SLC25A33: variants seen among roughly 807,000 people sequenced by gnomAD.
SLC25A33 encodes the protein solute carrier family 25 member 33, also known as bone marrow stromal cell mitochondrial carrier protein.
Under a neutral mutation model 35.5 loss-of-function variants are expected in SLC25A33, and 15 were observed. The ratio of observed to expected loss-of-function variants is 0.42; its 90% CI spans 0.28 to 0.65. The LOEUF (loss-of-function observed/expected upper bound fraction) is 0.65, where lower values mean the gene tolerates loss of function less well. Among genes scored for constraint, SLC25A33 ranks in the 30% least tolerant of loss-of-function variants. The pLI, the probability that SLC25A33 is intolerant of heterozygous loss-of-function variation, is 0.20. For synonymous variants in SLC25A33, 136 were observed against 148.7 expected (o/e 0.91, Z 0.62); for missense variants, 257 against 398.5 (o/e 0.64, Z 3.02).
intron 6 of SLC25A33, among the ~76,000 whole-genome samples, chr1:9,581,399 A>AACC (rs1224096613): frequency 1.3e-5 from 2 of 152,240 alleles, no homozygotes; most frequent in Non-Finnish European, 2.9e-5. Flanking sequence ...GGGAGTAGAA[A>AACC]ACCATGAATT....
At chr1:9,556,646 GC>G (rs199607544) in intron 2 of SLC25A33, among the ~76,000 whole-genome samples, 17 of 151,426 alleles carry the variant, frequency 1.1e-4, no homozygotes, top group South Asian at 6.3e-4. Flanking sequence ...AGTAAATCCA[GC>G]CCCCCCCATA....
At chr1:9,576,572 G>A in intron 5 of SLC25A33, 1 of 560,474 alleles carries the variant, frequency 1.8e-6, no homozygotes, top group East Asian at 4.7e-5. Context: ...AGTCTAAAGA[G>A]GCTCTGGAGT....
At chr1:9,552,160 G>A (rs1162544682) in intron 1 of SLC25A33, among the ~76,000 whole-genome samples, 1 of 152,162 alleles carries the variant, frequency 6.6e-6, no homozygotes, top group Admixed American at 6.6e-5. Flanking sequence ...GAAAACACAG[G>A]ATTAACTGAT....
chr1:9,569,310 G>T (rs963873883), intron 3 of SLC25A33, among the ~76,000 whole-genome samples: 5 of 151,848 alleles, frequency 3.3e-5, no homozygotes, highest in African/African-American at 1.2e-4. Flanking sequence ...TACTGCTTTT[G>T]TTCCTTTAGA....
At position 9,580,031 on chromosome 1, in the gene SLC25A33, A is replaced by G. The variant is rs543795233; in HGVS notation, c.560A>G (p.Tyr187Cys). Residue 187 changes from tyrosine to cysteine, a missense_variant, in exon 6 of 7, where the codon TAT (tyrosine) becomes TGT (cysteine). Transcript: ENST00000302692. The part of the protein sequence containing the change: ...VYQTEGIRGF[Y>C]RGLTASYAGI... Reference sequence around the variant, plus strand: ...CAGACCGAAGGCATTCGTGGCTTCTATAGAGGATTAACTGCCTCGTATGCT... The same window carrying G: ...CAGACCGAAGGCATTCGTGGCTTCTGTAGAGGATTAACTGCCTCGTATGCT... The G allele has an allele frequency of 1.4e-5, 22 of 1,613,302 alleles. No homozygotes were observed. The highest frequency in any genetic ancestry group is 6.7e-5 in the East Asian group (3 of 44,888).
chr1:9,553,212 T>TTTTTTTTTTTTTTTTTG (rs1643292712), intron 1 of SLC25A33, among the ~76,000 whole-genome samples: 1 of 135,196 alleles, frequency 7.4e-6, no homozygotes, highest in Non-Finnish European at 1.6e-5. Context: ...TGTTTTTTTT[T>TTTTTTTTTTTTTTTTTG]TTTTTTTTTT....
intron 2 of SLC25A33, among the ~76,000 whole-genome samples, chr1:9,554,083 T>C (rs1193551333): frequency 6.6e-6 from 1 of 152,222 alleles, no homozygotes; most frequent in Admixed American, 6.5e-5. Context: ...ACATCATTGC[T>C]CTTGCTCAAA....
At chr1:9,547,870 TTTTG>T (rs1285612983) in intron 1 of SLC25A33, among the ~76,000 whole-genome samples, 2 of 151,976 alleles carry the variant, frequency 1.3e-5, no homozygotes, top group East Asian at 3.9e-4. Context: ...TTGTTTTTGT[TTTTG>T]TTTTTCCCTT....
At chr1:9,567,250 G>T in intron 2 of SLC25A33, 34 bp from the exon 3 acceptor site, 1 of 1,575,252 alleles carries the variant, frequency 6.3e-7, no homozygotes, top group Non-Finnish European at 8.7e-7. Context: ...CTTGCCTGAG[G>T]GGTTTTAAAG....
chr1:9,581,410 ATTT>A (rs1474734886), intron 6 of SLC25A33, among the ~76,000 whole-genome samples: 1 of 152,224 alleles, frequency 6.6e-6, no homozygotes, highest in Non-Finnish European at 1.5e-5. Context: ...ACCATGAATT[ATTT>A]TAACATTAAG....
At chr1:9,569,758 T>C (rs543498290) in intron 3 of SLC25A33, among the ~76,000 whole-genome samples, 2 of 152,158 alleles carry the variant, frequency 1.3e-5, no homozygotes, top group African/African-American at 2.4e-5. Context: ...CACTTTGCGG[T>C]AGTCAAGGCA....
Position 9,581,684 on chromosome 1 carries a change from G to A in SLC25A33, c.764-615G>A, listed in dbSNP as rs575132347. ...GCAGAGGTTGCAGTGAGCCAAGATC[G>A]TACCGACTGCACTCCAGCCTGAGTA... On this transcript the variant is annotated intron_variant, in intron 6 of 6. Transcript: ENST00000302692. 1.3e-3 allele frequency among the ~76,000 whole-genome samples: 192 copies of A among 149,050 alleles called. 2 individuals are homozygous for A. Among genetic ancestry groups the A allele is most frequent in the African/African-American group, 4.5e-3 (180 of 40,082 alleles).
intron 6 of SLC25A33, 68 bp downstream of exon 6, chr1:9,580,302 T>C: frequency 1.3e-6 from 2 of 1,564,166 alleles, no homozygotes; most frequent in Non-Finnish European, 8.7e-7. Flanking sequence ...TGGGTATATC[T>C]AGACTTCTGA....
chr1:9,547,452 A>G (rs1039353090), intron 1 of SLC25A33, among the ~76,000 whole-genome samples: 2 of 145,610 alleles, frequency 1.4e-5, no homozygotes, highest in Non-Finnish European at 3.0e-5. Flanking sequence ...CTCAAAAGAG[A>G]AAAAAAAAAA....
intron 4 of SLC25A33, among the ~76,000 whole-genome samples, chr1:9,572,683 G>A (rs915135039): frequency 2.0e-5 from 3 of 152,086 alleles, no homozygotes; most frequent in Non-Finnish European, 4.4e-5. Context: ...ACTATAGAGG[G>A]TGTGAGGTAT....
Position 9,553,776 on chromosome 1 carries a change from C to A in SLC25A33, c.207C>A (p.Ser69=), listed in dbSNP as rs777534735. Reference sequence around the variant, plus strand: ...GAGCTGGAATGGTGAGACCAACATCCGTGACACCTGGACTCTTTCAGGTTC... The same window carrying A: ...GAGCTGGAATGGTGAGACCAACATCAGTGACACCTGGACTCTTTCAGGTTC... The part of the protein sequence containing the change: ...ISGAGMVRPT[S]VTPGLFQVLK... Residue 69 remains serine, a synonymous_variant, in exon 2 of 7, where the codon TCC becomes TCA. Coordinates refer to ENST00000302692, the MANE Select transcript of SLC25A33 (RefSeq NM_032315.3). 6.2e-7 allele frequency: 1 copy of A among 1,614,012 alleles called. No homozygotes were observed. The highest frequency in any genetic ancestry group is 1.3e-5 in the African/African-American group (1 of 74,912).
intron 1 of SLC25A33, among the ~76,000 whole-genome samples, chr1:9,551,977 T>G (rs1325736710): frequency 2.0e-5 from 3 of 152,170 alleles, no homozygotes; most frequent in Non-Finnish European, 4.4e-5. Flanking sequence ...GTTATTTCAT[T>G]GGTAGAATTG....
chr1:9,563,564 T>C (rs1643456316), intron 2 of SLC25A33, among the ~76,000 whole-genome samples: 1 of 152,210 alleles, frequency 6.6e-6, no homozygotes, highest in Non-Finnish European at 1.5e-5. Context: ...TGGGAAACTT[T>C]CCCTGTGGAG....
intron 6 of SLC25A33, 88 bp downstream of exon 6, chr1:9,580,322 T>C (rs1297182467): frequency 6.6e-7 from 1 of 1,508,800 alleles, no homozygotes; most frequent in African/African-American, 1.4e-5. Flanking sequence ...AGGCGCACAT[T>C]GAGGCGCAGG....
Sources: gnomAD v4.1 joint callset for allele counts (sites outside exome capture counted in the v4.1 genomes callset) on GRCh38, gnomAD v4.1.1 for gene constraint, MANE v1.5 for transcripts, NCBI Gene and HGNC (gene_info 2026-07-23, HGNC 2026-07-21) for gene names.